The following CEACAM3 variants were observed in gnomAD, a reference collection of about 807,000 sequenced individuals.
CEACAM3 encodes CEA cell adhesion molecule 3.
A neutral mutation model predicts 30.1 loss-of-function variants in CEACAM3; 32 were observed. That is an observed-to-expected ratio of 1.06 (90% CI 0.80 to 1.43). CEACAM3 has a LOEUF of 1.43. Among genes scored for constraint, CEACAM3 ranks in the 40% most tolerant of loss-of-function variants. CEACAM3 has a pLI of 0.00. For missense variants in CEACAM3, 290 were observed against 316.3 expected, an observed-to-expected ratio of 0.92 and a Z score of 0.63; for synonymous variants, 134 against 127.2, an observed-to-expected ratio of 1.05 and a Z score of -0.36.
At chr19:41,808,707 A>G in intron 2 of CEACAM3, 106 bp from the exon 3 acceptor site, 2 of 845,498 alleles carry the variant, frequency 2.4e-6, no homozygotes, top group East Asian at 2.5e-5. Context: ...CTCAGGCCCC[A>G]TGGCATCTCC....
chr19:41,798,117 A>G, intron 2 of CEACAM3, 169 bp downstream of exon 2: 4 of 1,207,734 alleles, frequency 3.3e-6, no homozygotes, highest in Non-Finnish European at 4.6e-6. Context: ...CACAGATCAG[A>G]ATTCCTTTCC....
At chr19:41,804,819 T>A (rs1255396358) in intron 2 of CEACAM3, among the ~76,000 whole-genome samples, 1 of 151,962 alleles carries the variant, frequency 6.6e-6, no homozygotes, top group Non-Finnish European at 1.5e-5. Flanking sequence ...AGAAAAAAAA[T>A]TAATTTCCCC....
At chr19:41,799,282 A>T (rs1473906352) in intron 2 of CEACAM3, among the ~76,000 whole-genome samples, 2 of 152,054 alleles carry the variant, frequency 1.3e-5, no homozygotes, top group Non-Finnish European at 2.9e-5. Flanking sequence ...CTTTGAGTGC[A>T]CAGGAGATCT....
chr19:41,804,039 C>T (rs112219122), intron 2 of CEACAM3, among the ~76,000 whole-genome samples: 483 of 150,590 alleles, frequency 3.2e-3, no homozygotes, highest in African/African-American at 0.011. Context: ...CAAGATAGCG[C>T]GATTTCACTC....
At chr19:41,806,753 C>A (rs2073203277) in intron 2 of CEACAM3, among the ~76,000 whole-genome samples, 1 of 152,152 alleles carries the variant, frequency 6.6e-6, no homozygotes, top group Non-Finnish European at 1.5e-5. Context: ...GTGGTGCGAT[C>A]TCGGCTCACT....
In CEACAM3 at chr19:41,811,365, G is replaced by T; in HGVS notation, c.*128G>T. 1 of 785,650 alleles carries T rather than the reference G, an allele frequency of 1.3e-6. No individual in the cohort carries two copies. Among genetic ancestry groups the T allele is most frequent in the African/African-American group, 1.7e-5 (1 of 57,642 alleles). 48.7% of individuals were successfully genotyped at this position (785,650 alleles called of 1,614,324 possible). ...AGTCCTGAGAAGACACTGGTGTCTG[G>T]GGGCAGGGAGGGATGGGGGTCCCTG... On this transcript the variant is annotated 3_prime_UTR_variant, in exon 7 of 7. Transcript: ENST00000357396.
chr19:41,800,772 A>T (rs1294419013), intron 2 of CEACAM3, among the ~76,000 whole-genome samples: 1 of 152,004 alleles, frequency 6.6e-6, no homozygotes, highest in African/African-American at 2.4e-5. Context: ...ATCATTGGAG[A>T]TGACTCACAC....
At position 41,796,788 on chromosome 19, in the gene CEACAM3, A is replaced by G. The variant is rs781900415; in HGVS notation, c.64+47A>G. On this transcript the variant is annotated intron_variant, in intron 1 of 6. Coordinates refer to ENST00000357396, the MANE Select transcript of CEACAM3 (RefSeq NM_001815.5). Reference sequence around the variant, plus strand: ...GTGGGCAAGAGGAGGGATCACAGAGAATGGCTGGGGTCTCCTGGGGAGGAT... The same window carrying G: ...GTGGGCAAGAGGAGGGATCACAGAGGATGGCTGGGGTCTCCTGGGGAGGAT... 10 of 1,581,824 alleles carry G rather than the reference A, an allele frequency of 6.3e-6. No homozygotes were observed. The East Asian group carries it at 2.0e-4, about 32-fold the overall frequency.
In CEACAM3 at chr19:41,811,218, A is replaced by G; in HGVS notation, c.740A>G (p.Lys247Arg). 1 of 1,613,994 alleles carries G rather than the reference A, an allele frequency of 6.2e-7. No individual in the cohort carries two copies. Reference sequence around the variant, plus strand: ...AACATTTACTGCCGGATGGACCACAAAGCAGAAGTGGCTTCTTAGCTTCCT... The same window carrying G: ...AACATTTACTGCCGGATGGACCACAGAGCAGAAGTGGCTTCTTAGCTTCCT... ...DTNIYCRMDH[K>R]AEVAS Residue 247 changes from lysine to arginine, a missense_variant, in exon 7 of 7, where the codon AAA (lysine) becomes AGA (arginine). By Grantham distance (26) the Lys-to-Arg change is conservative. Transcript: ENST00000357396.
chr19:41,809,932 G>T (rs1555827332), intron 3 of CEACAM3, 33 bp from the exon 4 acceptor site: 9 of 1,612,338 alleles, frequency 5.6e-6, no homozygotes, highest in Admixed American at 1.7e-5. Context: ...CTTTTAACCT[G>T]GCACCCTCCC....
chr19:41,809,182 G>A (rs1281529670), intron 3 of CEACAM3: 2 of 170,086 alleles, frequency 1.2e-5, no homozygotes, highest in Non-Finnish European at 2.5e-5. Context: ...CCCTCACACA[G>A]CAAAGCCACA....
intron 2 of CEACAM3, among the ~76,000 whole-genome samples, chr19:41,799,865 G>T (rs2073131838): frequency 6.6e-6 from 1 of 152,170 alleles, no homozygotes; most frequent in African/African-American, 2.4e-5. Context: ...CCCTCCAGGG[G>T]CCGGGATCCT....
At chr19:41,810,744 G>T in intron 5 of CEACAM3, 88 bp from the exon 6 acceptor site, 1 of 1,224,104 alleles carries the variant, frequency 8.2e-7, no homozygotes. Context: ...GAAATGACCA[G>T]AAGTAAACAC....
chr19:41,796,808 G>C (rs892255608), intron 1 of CEACAM3, 67 bp downstream of exon 1: 3 of 1,532,244 alleles, frequency 2.0e-6, no homozygotes, highest in Admixed American at 2.0e-5. Flanking sequence ...GTCTCCTGGG[G>C]AGGATGGGGC....
At chr19:41,803,426 A>G (rs36001452) in intron 2 of CEACAM3, among the ~76,000 whole-genome samples, 10,115 of 128,192 alleles carry the variant, frequency 0.079, 460 homozygotes, top group Middle Eastern at 0.13. Context: ...TTGTGTGTGT[A>G]TGTGTGTGTG....
intron 2 of CEACAM3, among the ~76,000 whole-genome samples, chr19:41,799,408 C>T (rs2073128926): frequency 6.6e-6 from 1 of 152,194 alleles, no homozygotes; most frequent in South Asian, 2.1e-4. Context: ...TGGGTCTCAC[C>T]AGAAGCCGAG....
chr19:41,803,042 C>T (rs1261514037), intron 2 of CEACAM3, among the ~76,000 whole-genome samples: 1 of 149,888 alleles, frequency 6.7e-6, no homozygotes, highest in Non-Finnish European at 1.5e-5. Context: ...TTCAACAAAA[C>T]TGCACAAGAC....
intron 2 of CEACAM3, among the ~76,000 whole-genome samples, chr19:41,800,044 G>C (rs908623042): frequency 1.3e-5 from 2 of 152,160 alleles, no homozygotes; most frequent in Non-Finnish European, 2.9e-5. Context: ...AGCTGTTCCA[G>C]TATAATAAAA....
In CEACAM3 at chr19:41,808,851, G is replaced by A. The variant is rs528553937; in HGVS notation, c.463G>A (p.Gly155Ser). ...APGLPVGAVA[G>S]IVTGVLVGVA... ...AGGCCTTCCTGTGGGGGCCGTCGCC[G>A]GCATCGTGACCGGGGTCCTGGTCGG... is the stretch of plus-strand genomic sequence containing the variant. Residue 155 changes from glycine (G) to serine (S), a missense_variant, in exon 3 of 7, where the codon GGC (glycine) becomes AGC (serine). Coordinates refer to ENST00000357396, the MANE Select transcript of CEACAM3 (RefSeq NM_001815.5). 1.6e-5 allele frequency: 25 copies of A among 1,611,462 alleles called. No homozygotes were observed. Among genetic ancestry groups the A allele is most frequent in the South Asian group, 1.1e-4 (10 of 90,918 alleles).
Sources: gnomAD v4.1 joint callset for allele counts (sites outside exome capture counted in the v4.1 genomes callset) on GRCh38, gnomAD v4.1.1 for gene constraint, MANE v1.5 for transcripts, NCBI Gene and HGNC (gene_info 2026-07-23, HGNC 2026-07-21) for gene names.